BNC2: variants seen among roughly 807,000 people sequenced by gnomAD.
The protein encoded by BNC2 is zinc finger protein basonuclin-2.
Under a neutral mutation model 76.3 loss-of-function variants are expected in BNC2, and 20 were observed. The ratio of observed to expected loss-of-function variants is 0.26; its 90% confidence interval spans 0.18 to 0.38. The LOEUF (loss-of-function observed/expected upper bound fraction) is 0.38, where lower values mean the gene tolerates loss of function less well. Ranked by LOEUF, BNC2 falls within the 10% of genes least tolerant of loss-of-function variation. The probability of loss-of-function intolerance (pLI) is 1.00; values close to 1 mark genes in which losing one functional copy is unlikely to be tolerated. For synonymous variants in BNC2, 582 were observed against 514.8 expected (o/e 1.13, Z -1.77); for missense variants, 1,382 against 1,399.8 (o/e 0.99, Z 0.20).
chr9:16,566,689 T>C (rs557439305), intron 4 of BNC2, among the ~76,000 whole-genome samples: 132 of 152,282 alleles, frequency 8.7e-4, no homozygotes, highest in African/African-American at 3.1e-3. Flanking sequence ...CACAAATCAC[T>C]AGATTTGTGA....
At chr9:16,489,895 G>C (rs1032062490) in intron 5 of BNC2, among the ~76,000 whole-genome samples, 1 of 152,162 alleles carries the variant, frequency 6.6e-6, no homozygotes, top group Non-Finnish European at 1.5e-5. Flanking sequence ...AAGAGCCCTC[G>C]TGTATCTGCC....
intron 3 of BNC2, among the ~76,000 whole-genome samples, chr9:16,674,863 T>C (rs1230531075): frequency 6.6e-6 from 1 of 152,232 alleles, no homozygotes; most frequent in Non-Finnish European, 1.5e-5. Context: ...TTTTATGTTC[T>C]TGGGCAATTC....
At chr9:16,567,403 T>C (rs1163320309) in intron 4 of BNC2, among the ~76,000 whole-genome samples, 2 of 152,156 alleles carry the variant, frequency 1.3e-5, no homozygotes, top group Non-Finnish European at 2.9e-5. Flanking sequence ...ATGTATAAAA[T>C]AGTGCTGGGG....
intron 3 of BNC2, among the ~76,000 whole-genome samples, chr9:16,638,424 TA>T (rs1821391009): frequency 6.6e-6 from 1 of 152,206 alleles, no homozygotes; most frequent in South Asian, 2.1e-4. Context: ...AATAATTTTA[TA>T]TTTTTTAATA....
chr9:16,659,894 C>A (rs1822058575), intron 3 of BNC2, among the ~76,000 whole-genome samples: 1 of 152,150 alleles, frequency 6.6e-6, no homozygotes, highest in Non-Finnish European at 1.5e-5. Flanking sequence ...TTGTCTTCTC[C>A]ACTAGAATAT....
At chr9:16,855,629 C>A (rs1189693327) in intron 1 of BNC2, among the ~76,000 whole-genome samples, 2 of 152,180 alleles carry the variant, frequency 1.3e-5, no homozygotes, top group East Asian at 1.9e-4. Context: ...CCTCCACCTC[C>A]CGGGTTCACG....
intron 5 of BNC2, among the ~76,000 whole-genome samples, chr9:16,446,820 T>C (rs576376974): frequency 7.1e-4 from 108 of 152,134 alleles, no homozygotes; most frequent in African/African-American, 2.4e-3. Context: ...TATTTAATCA[T>C]AGAAGCTCCA....
chr9:16,530,806 G>A (rs561862425), intron 5 of BNC2, among the ~76,000 whole-genome samples: 85 of 152,316 alleles, frequency 5.6e-4, no homozygotes, highest in Non-Finnish European at 8.5e-4. Flanking sequence ...TCTGACGCAC[G>A]GCCAGCCAGC....
At chr9:16,488,985 T>TACACTAAG (rs1343356622) in intron 5 of BNC2, among the ~76,000 whole-genome samples, 1 of 152,164 alleles carries the variant, frequency 6.6e-6, no homozygotes, top group African/African-American at 2.4e-5. Flanking sequence ...TATAAACCTA[T>TACACTAAG]ACACTAAGAC....
At chr9:16,725,151 T>C (rs1824272134) in intron 3 of BNC2, among the ~76,000 whole-genome samples, 1 of 151,900 alleles carries the variant, frequency 6.6e-6, no homozygotes, top group South Asian at 2.1e-4. Flanking sequence ...ATATTGAAAG[T>C]AATACTCGTT....
chr9:16,471,896 C>T (rs1821833896), intron 5 of BNC2, among the ~76,000 whole-genome samples: 1 of 152,128 alleles, frequency 6.6e-6, no homozygotes, highest in South Asian at 2.1e-4. Flanking sequence ...CTTTGCCGTG[C>T]TATTCTTGCA....
At chr9:16,448,186 C>G (rs887138482) in intron 5 of BNC2, among the ~76,000 whole-genome samples, 1 of 152,124 alleles carries the variant, frequency 6.6e-6, no homozygotes, top group Non-Finnish European at 1.5e-5. Flanking sequence ...TCTACATTTT[C>G]TAGCTTACCT....
intron 3 of BNC2, among the ~76,000 whole-genome samples, chr9:16,604,254 T>TA (rs1290128722): frequency 6.6e-6 from 1 of 152,134 alleles, no homozygotes; most frequent in Non-Finnish European, 1.5e-5. Context: ...AGAGATTTTT[T>TA]AAAAAACACT....
chr9:16,579,401 G>C (rs1000888019), intron 4 of BNC2, among the ~76,000 whole-genome samples: 1 of 151,904 alleles, frequency 6.6e-6, no homozygotes, highest in Non-Finnish European at 1.5e-5. Context: ...TCCCACCCCA[G>C]CCTTCAAAGT....
chr9:16,787,666 G>A (rs1017337017), intron 1 of BNC2, among the ~76,000 whole-genome samples: 3 of 152,120 alleles, frequency 2.0e-5, no homozygotes, highest in Non-Finnish European at 4.4e-5. Flanking sequence ...TAACTACTCT[G>A]GCCACCGCTT....
intron 3 of BNC2, among the ~76,000 whole-genome samples, chr9:16,685,286 A>G (rs1206277847): frequency 6.6e-6 from 1 of 152,118 alleles, no homozygotes; most frequent in East Asian, 1.9e-4. Context: ...ACTTGTATCA[A>G]CTCTAGGTAG....
rs1820511352 is a variant in BNC2 at position 16,413,189 on chromosome 9, A to G, written c.*5800T>C. The G allele has an allele frequency of 6.7e-6, 1 of 150,142 alleles. No homozygotes were observed. The allele number at this position is 150,142 out of a possible 1,614,324, so 9.3% of individuals were successfully genotyped here. ...GGTCTTCATATCCTATATAAAAAAG[A>G]TTTTTTTTTTTCCTGCAGTAAAGGT... On this transcript the variant is annotated 3_prime_UTR_variant, in exon 7 of 7. Coordinates refer to ENST00000380672, the MANE Select transcript of BNC2 (RefSeq NM_017637.6).
In BNC2 at chr9:16,727,965, T is replaced by C. The variant is rs552483683; in HGVS notation, c.162A>G (p.Arg54=). The change falls in exon 3 of 7, where the codon AGA becomes AGG. Residue 54 remains arginine (R), a synonymous_variant. Transcript: ENST00000380672. ...SEEAEVDVRE[R]ETQRDREPKR... ...TTGGCTCTCTGTCTCTCTGTGTCTC[T>C]CTTTCTCTCACATCCACTTCTGCCT... The C allele has an allele frequency of 8.4e-5, 135 of 1,613,968 alleles. No homozygotes were observed. Among genetic ancestry groups the C allele is most frequent in the Non-Finnish European group, 1.0e-4 (122 of 1,180,030 alleles).
At chr9:16,448,887 C>A (rs948764602) in intron 5 of BNC2, among the ~76,000 whole-genome samples, 1 of 152,000 alleles carries the variant, frequency 6.6e-6, no homozygotes, top group South Asian at 2.1e-4. Flanking sequence ...TAAAAGGCAC[C>A]CACACATACA....
Sources: gnomAD v4.1 joint callset for allele counts (sites outside exome capture counted in the v4.1 genomes callset) on GRCh38, gnomAD v4.1.1 for gene constraint, MANE v1.5 for transcripts, NCBI Gene and HGNC (gene_info 2026-07-23, HGNC 2026-07-21) for gene names.